The following MAP4 variants were observed in gnomAD, a reference collection of about 807,000 sequenced individuals.
The protein encoded by MAP4 is microtubule associated protein 4.
In MAP4, 76 loss-of-function variants were observed where a neutral mutation model predicts 170.2. The ratio of observed to expected loss-of-function variants is 0.45; its 90% CI spans 0.37 to 0.54. The LOEUF is 0.54. MAP4 is among the 20% of genes least tolerant of loss of function. MAP4 has a pLI of 0.00. For missense variants in MAP4, 2,506 were observed against 2,748.0 expected, an observed-to-expected ratio of 0.91 and a Z score of 1.97; for synonymous variants, 909 against 994.5, an observed-to-expected ratio of 0.91 and a Z score of 1.62.
intron 1 of MAP4, among the ~76,000 whole-genome samples, chr3:48,087,582 C>G (rs1369410274): frequency 6.6e-6 from 1 of 152,114 alleles, no homozygotes; most frequent in Non-Finnish European, 1.5e-5. Context: ...TCCTCCTGGG[C>G]TGAGTGAGCA....
In MAP4 at chr3:47,897,246, C is replaced by T. The variant is rs2153223074; in HGVS notation, c.5434+5704G>A. 1.3e-5 allele frequency among the ~76,000 whole-genome samples: 2 copies of T among 152,216 alleles called. 1 individual carries two copies. Among genetic ancestry groups the T allele is most frequent in the South Asian group, 4.1e-4 (2 of 4,822 alleles). ...GGCTCAAGCGATTCTCCTGCCTCAG[C>T]TTCCGGAGTAGCTGGGATTACAGGC... On this transcript the variant is annotated intron_variant, in intron 10 of 20. Coordinates refer to ENST00000683076, the MANE Select transcript of MAP4 (RefSeq NM_001385682.1).
chr3:48,045,868 C>G (rs912952942), intron 1 of MAP4, among the ~76,000 whole-genome samples: 1 of 152,114 alleles, frequency 6.6e-6, no homozygotes, highest in Non-Finnish European at 1.5e-5. Flanking sequence ...TATGCCTTAG[C>G]CAATTGTCAC....
intron 1 of MAP4, among the ~76,000 whole-genome samples, chr3:48,011,714 G>T (rs918062604): frequency 2.6e-5 from 4 of 152,060 alleles, no homozygotes; most frequent in African/African-American, 9.7e-5. Context: ...GCTGAGAAAT[G>T]AGTTCATTAA....
At chr3:47,983,640 G>A (rs770057546) in intron 2 of MAP4, among the ~76,000 whole-genome samples, 12 of 151,886 alleles carry the variant, frequency 7.9e-5, no homozygotes, top group African/African-American at 1.2e-4. Context: ...CACCTGCTTC[G>A]GCCTCCCAAA....
intron 10 of MAP4, chr3:47,891,837 C>A (rs893611742): frequency 1.3e-6 from 2 of 1,536,272 alleles, no homozygotes; most frequent in Middle Eastern, 1.7e-4. Context: ...TCATTTACCA[C>A]CCCAATCACT....
intron 1 of MAP4, among the ~76,000 whole-genome samples, chr3:48,065,218 A>G (rs189492158): frequency 2.0e-5 from 3 of 152,336 alleles, no homozygotes; most frequent in African/African-American, 7.2e-5. Flanking sequence ...GTACCACCTC[A>G]TAACCATGAC....
chr3:48,020,422 T>C (rs1195375035), upstream of MAP4, among the ~76,000 whole-genome samples: 13 of 152,322 alleles, frequency 8.5e-5, no homozygotes, highest in Non-Finnish European at 1.8e-4. Flanking sequence ...AGCACCCTCA[T>C]AGTTCTTCTA....
At chr3:47,952,231 C>T (rs1372392839) in intron 3 of MAP4, among the ~76,000 whole-genome samples, 9 of 151,306 alleles carry the variant, frequency 5.9e-5, no homozygotes, top group Admixed American at 2.6e-4. Flanking sequence ...CATCTCCACC[C>T]GGCAGCCGCC....
upstream of MAP4, among the ~76,000 whole-genome samples, chr3:48,019,172 T>A (rs2100109307): frequency 6.6e-6 from 1 of 151,954 alleles, no homozygotes; most frequent in Non-Finnish European, 1.5e-5. Flanking sequence ...ACACCATCTC[T>A]ACAAAAAAAA....
chr3:48,049,409 T>C (rs969584789), intron 1 of MAP4, among the ~76,000 whole-genome samples: 2 of 149,072 alleles, frequency 1.3e-5, no homozygotes, highest in Admixed American at 6.7e-5. Context: ...CGTTTGAGCC[T>C]AGGAGTCTGA....
chr3:47,930,952 T>C (rs1282317568), intron 3 of MAP4, among the ~76,000 whole-genome samples: 1 of 149,794 alleles, frequency 6.7e-6, no homozygotes, highest in African/African-American at 2.5e-5. Context: ...AAAAATTGGC[T>C]AAATATTTCA....
chr3:48,005,080 G>A (rs2100101466), intron 1 of MAP4, among the ~76,000 whole-genome samples: 2 of 152,202 alleles, frequency 1.3e-5, no homozygotes, highest in South Asian at 2.1e-4. Flanking sequence ...AACTGTTCTC[G>A]GCCAGGCACG....
intron 2 of MAP4, among the ~76,000 whole-genome samples, chr3:47,978,349 C>T (rs978268364): frequency 6.6e-6 from 1 of 152,096 alleles, no homozygotes; most frequent in Non-Finnish European, 1.5e-5. Flanking sequence ...TGGGGTTTTG[C>T]TCTTGTCACC....
At chr3:47,919,569 A>G (rs538972006) in intron 5 of MAP4, among the ~76,000 whole-genome samples, 3 of 152,130 alleles carry the variant, frequency 2.0e-5, no homozygotes, top group Non-Finnish European at 4.4e-5. Flanking sequence ...TGGCCTCCCA[A>G]CGTGCTGGGA....
chr3:47,955,446 AC>A (rs1298698702), intron 3 of MAP4, among the ~76,000 whole-genome samples: 12 of 145,840 alleles, frequency 8.2e-5, no homozygotes, highest in East Asian at 6.1e-4. Flanking sequence ...ACACACACAC[AC>A]ACACACACAC....
intron 4 of MAP4, among the ~76,000 whole-genome samples, chr3:47,926,253 G>A (rs572152730): frequency 9.5e-4 from 143 of 150,640 alleles, no homozygotes; most frequent in African/African-American, 3.3e-3. Flanking sequence ...GGACAGTCTC[G>A]GCTCACTGCA....
chr3:48,081,570 C>A (rs2154570598), intron 1 of MAP4, among the ~76,000 whole-genome samples: 1 of 152,100 alleles, frequency 6.6e-6, no homozygotes, highest in Non-Finnish European at 1.5e-5. Flanking sequence ...TTCATTAAAT[C>A]AGCCAAATTT....
At chr3:47,925,985 G>A (rs902643777) in intron 4 of MAP4, among the ~76,000 whole-genome samples, 2 of 151,718 alleles carry the variant, frequency 1.3e-5, no homozygotes, top group Non-Finnish European at 1.5e-5. Context: ...CTCCCAAGTA[G>A]CTGGAATTAC....
At chr3:48,007,887 G>A (rs2154416087) in intron 1 of MAP4, among the ~76,000 whole-genome samples, 1 of 152,076 alleles carries the variant, frequency 6.6e-6, no homozygotes, top group East Asian at 1.9e-4. Flanking sequence ...TGGCCAGGAT[G>A]GTCTCGATCT....
Sources: gnomAD v4.1 joint callset for allele counts (sites outside exome capture counted in the v4.1 genomes callset) on GRCh38, gnomAD v4.1.1 for gene constraint, MANE v1.5 for transcripts, NCBI Gene and HGNC (gene_info 2026-07-23, HGNC 2026-07-21) for gene names.